Variants in ODAD2 observed in about 807,000 individuals in gnomAD.
The protein encoded by ODAD2 is outer dynein arm docking complex subunit 2.
Under a neutral mutation model 106.8 loss-of-function variants are expected in ODAD2, and 89 were observed. The observed-to-expected ratio is 0.83, with a 90% confidence interval of 0.70 to 0.99. The LOEUF is 0.99. ODAD2 is among the 50% of genes least tolerant of loss of function. The pLI is 0.00. For missense variants in ODAD2, 1,168 were observed against 1,238.5 expected (o/e 0.94, Z 0.85); for synonymous variants, 404 against 436.2 (o/e 0.93, Z 0.92).
chr10:27,984,772 A>T (rs1338586162), intron 4 of ODAD2, among the ~76,000 whole-genome samples: 2 of 152,218 alleles, frequency 1.3e-5, no homozygotes, highest in African/African-American at 4.8e-5. Flanking sequence ...AATAAAATGT[A>T]AAGTTAAATC....
At chr10:27,983,342 A>G (rs1191714976) in intron 6 of ODAD2, among the ~76,000 whole-genome samples, 2 of 152,126 alleles carry the variant, frequency 1.3e-5, no homozygotes, top group Admixed American at 6.5e-5. Context: ...CCTCATGGAG[A>G]TGGTCTGAAC....
At chr10:27,871,303 G>C (rs1274347824) in intron 17 of ODAD2, among the ~76,000 whole-genome samples, 3 of 152,152 alleles carry the variant, frequency 2.0e-5, no homozygotes, top group Admixed American at 1.3e-4. Context: ...CATTCTGTAG[G>C]TTGCCTGTTC....
intron 19 of ODAD2, among the ~76,000 whole-genome samples, chr10:27,829,905 C>T (rs747995013): frequency 8.0e-5 from 12 of 150,518 alleles, no homozygotes; most frequent in Non-Finnish European, 1.5e-4. Flanking sequence ...CAGGACTGGC[C>T]CTAAGCAAGG....
intron 10 of ODAD2, 117 bp from the exon 11 acceptor site, chr10:27,945,079 T>C (rs1191274961): frequency 8.3e-7 from 1 of 1,204,204 alleles, no homozygotes; most frequent in African/African-American, 1.5e-5. Context: ...TAGAATTTGT[T>C]AAATGAATCA....
At chr10:27,833,626 T>A (rs1423210061) in intron 19 of ODAD2, among the ~76,000 whole-genome samples, 1 of 152,226 alleles carries the variant, frequency 6.6e-6, no homozygotes, top group East Asian at 1.9e-4. Context: ...TATGGTTATG[T>A]GTGGGACAAA....
intron 17 of ODAD2, among the ~76,000 whole-genome samples, chr10:27,885,714 T>TAA (rs1491302428): frequency 0.4 from 23,236 of 57,788 alleles, 7,978 homozygotes; most frequent in Non-Finnish European, 0.51. Context: ...AAAATATATA[T>TAA]TATATATTAT....
chr10:27,937,028 C>A lies in ODAD2; in HGVS notation c.2098-148G>T. ...TGCCTCCAAGTAAAATATAATTCAT[C>A]TTTCTACTAGTAGCTTTCTGACAGC... On this transcript the variant is annotated intron_variant, in intron 14 of 19. Coordinates refer to ENST00000305242, the MANE Select transcript of ODAD2 (RefSeq NM_018076.5). The A allele has an allele frequency of 5.5e-6, 4 of 733,600 alleles. No homozygotes were observed. The South Asian group carries it at 6.5e-5, about 12-fold the overall frequency. 45.4% of individuals were successfully genotyped at this position (733,600 alleles called of 1,614,324 possible).
intron 1 of ODAD2, among the ~76,000 whole-genome samples, chr10:27,997,909 AT>A (rs1850651189): frequency 6.6e-6 from 1 of 152,232 alleles, no homozygotes; most frequent in African/African-American, 2.4e-5. Flanking sequence ...AAGTTTAAAG[AT>A]TAAAAGGAAA....
chr10:27,885,820 A>T (rs1477668563), intron 17 of ODAD2, among the ~76,000 whole-genome samples: 3 of 92,230 alleles, frequency 3.3e-5, no homozygotes, highest in East Asian at 5.3e-4. Flanking sequence ...TATTATATAT[A>T]ATATATAAAT....
At chr10:27,821,489 C>A (rs1479741125) in intron 19 of ODAD2, among the ~76,000 whole-genome samples, 1 of 152,162 alleles carries the variant, frequency 6.6e-6, no homozygotes, top group African/African-American at 2.4e-5. Context: ...GCCTCACAAG[C>A]AAACTAAGGC....
chr10:27,833,091 CA>C (rs2133024988), intron 19 of ODAD2, among the ~76,000 whole-genome samples: 1 of 152,184 alleles, frequency 6.6e-6, no homozygotes, highest in South Asian at 2.1e-4. Context: ...TCATATACCA[CA>C]AAATACATAA....
At chr10:27,993,974 A>ATATATGTGTGTG (rs369833558) in intron 2 of ODAD2, among the ~76,000 whole-genome samples, 33 of 140,618 alleles carry the variant, frequency 2.3e-4, no homozygotes, top group Admixed American at 9.4e-4. Context: ...ATATATATAT[A>ATATATGTGTGTG]TGTGTGTGTG....
At chr10:27,917,245 GT>G (rs1564501250) in intron 16 of ODAD2, among the ~76,000 whole-genome samples, 1 of 152,080 alleles carries the variant, frequency 6.6e-6, no homozygotes, top group East Asian at 1.9e-4. Flanking sequence ...AAAATAACCA[GT>G]TTTAGAAATT....
chr10:27,852,938 G>C (rs1047193960), intron 19 of ODAD2, among the ~76,000 whole-genome samples: 1 of 144,270 alleles, frequency 6.9e-6, no homozygotes, highest in African/African-American at 2.6e-5. Flanking sequence ...TCCAGCCTGG[G>C]TGACAGAACG....
At chr10:27,817,066 ACATACACACAGATGTATGCATGCATG>A (rs775176066) in intron 19 of ODAD2, among the ~76,000 whole-genome samples, 26 of 152,280 alleles carry the variant, frequency 1.7e-4, no homozygotes, top group Non-Finnish European at 2.9e-5. Context: ...GCAGTTTTAT[ACATACACACAGATGTATGCATGCATG>A]CATACACACT....
intron 17 of ODAD2, among the ~76,000 whole-genome samples, chr10:27,886,604 CAAAT>C (rs1304694768): frequency 6.6e-6 from 1 of 151,864 alleles, no homozygotes; most frequent in East Asian, 1.9e-4. Flanking sequence ...AATAGATGAA[CAAAT>C]AAAAATAACA....
intron 16 of ODAD2, among the ~76,000 whole-genome samples, chr10:27,925,361 T>C (rs562552736): frequency 6.6e-6 from 1 of 152,308 alleles, no homozygotes; most frequent in African/African-American, 2.4e-5. Context: ...AAAACACTTT[T>C]TAAAAAATGT....
intron 10 of ODAD2, among the ~76,000 whole-genome samples, chr10:27,954,968 T>C (rs374836702): frequency 1.2e-4 from 18 of 152,336 alleles, no homozygotes; most frequent in African/African-American, 4.3e-4. Context: ...CTGATGGAAT[T>C]TAAATATGTT....
At chr10:27,847,327 T>C (rs1838853504) in intron 19 of ODAD2, among the ~76,000 whole-genome samples, 1 of 152,132 alleles carries the variant, frequency 6.6e-6, no homozygotes, top group African/African-American at 2.4e-5. Flanking sequence ...AAAAACCACA[T>C]GATTATCTCA....
Sources: allele counts gnomAD v4.1 joint callset (sites outside exome capture counted in the v4.1 genomes callset), GRCh38; gene constraint gnomAD v4.1.1; transcripts MANE v1.5; gene names NCBI Gene and HGNC (gene_info 2026-07-23, HGNC 2026-07-21).